Variants in MMS19 observed in about 807,000 individuals in gnomAD.
MMS19 encodes the protein MMS19 cytosolic iron-sulfur assembly component.
A neutral mutation model predicts 129.8 loss-of-function variants in MMS19; 77 were observed. The ratio of observed to expected loss-of-function variants is 0.59; its 90% confidence interval spans 0.49 to 0.72. MMS19 has a LOEUF of 0.72. Ranked by LOEUF, MMS19 falls within the 30% of genes least tolerant of loss-of-function variation. The pLI, the probability that MMS19 is intolerant of heterozygous loss-of-function variation, is 0.00. For synonymous variants in MMS19, 491 were observed against 502.8 expected, an observed-to-expected ratio of 0.98 and a Z score of 0.31; for missense variants, 1,168 against 1,266.3, an observed-to-expected ratio of 0.92 and a Z score of 1.18.
chr10:97,483,379 G>A (rs1301704749), intron 2 of MMS19, among the ~76,000 whole-genome samples: 1 of 151,952 alleles, frequency 6.6e-6, no homozygotes, highest in Non-Finnish European at 1.5e-5. Context: ...TTTTTTAATG[G>A]ACCAAGGCCA....
intron 8 of MMS19, 134 bp from the exon 9 acceptor site, chr10:97,470,995 C>CA (rs1317314739): frequency 1.1e-5 from 6 of 537,868 alleles, no homozygotes; most frequent in Non-Finnish European, 1.9e-5. Flanking sequence ...AATGAGGCCC[C>CA]AGCAAGAAGA....
At chr10:97,486,656 A>C (rs2037897198) in intron 1 of MMS19, among the ~76,000 whole-genome samples, 1 of 152,040 alleles carries the variant, frequency 6.6e-6, no homozygotes, top group African/African-American at 2.4e-5. Context: ...TACAGAAGAA[A>C]ATGGGGAGAA....
intron 13 of MMS19, among the ~76,000 whole-genome samples, chr10:97,468,027 G>A (rs1213745115): frequency 2.0e-5 from 3 of 151,746 alleles, no homozygotes; most frequent in African/African-American, 7.3e-5. Flanking sequence ...TGTTGCCCAG[G>A]CTGATCTTGA....
In MMS19 at chr10:97,461,486, A is replaced by G. The variant is rs1171694623; in HGVS notation, c.2311+10T>C. 1.2e-6 allele frequency: 2 copies of G among 1,606,868 alleles called. No homozygotes were observed. Among genetic ancestry groups the G allele is most frequent in the African/African-American group, 2.7e-5 (2 of 74,816 alleles). ...TCTGGGAGGCTCCTTACATAGTCTG[A>G]TCTCAGTACCTGCAGGGTGCTTGTT... is the stretch of plus-strand genomic sequence containing the variant. On this transcript the variant is annotated intron_variant, in intron 23 of 30. Transcript: ENST00000438925.
chr10:97,476,856 T>G lies in MMS19; in HGVS notation c.601A>C (p.Ile201Leu). 2.5e-6 allele frequency: 4 copies of G among 1,613,984 alleles called. No homozygotes were observed. The highest frequency in any genetic ancestry group is 3.3e-4 in the Middle Eastern group (2 of 6,062). ...ATACCCAGGCTATAGTCCCTGGAGA[T>G]GAGGTCATGGACGATGCGGAAGGCC... ...LVAFRIVHDL[I>L]SRDYSLGPFV... is the part of the protein sequence containing the mutation. The change falls in exon 7 of 31, where the codon ATC becomes CTC. Residue 201 changes from isoleucine to leucine, a missense_variant. Around this residue, in one of 3 missense-constraint regions of MMS19, gnomAD observed 329 missense variants for 328.6 expected, o/e 1.00. Coordinates refer to ENST00000438925, the MANE Select transcript of MMS19 (RefSeq NM_022362.5).
chr10:97,459,811 C>T, intron 26 of MMS19, 70 bp from the exon 27 acceptor site: 1 of 1,285,210 alleles, frequency 7.8e-7, no homozygotes. Context: ...CAATTCCAAT[C>T]TGTGGTGAGG....
Position 97,478,360 on chromosome 10 carries a change from G to A in MMS19, c.292C>T (p.Arg98Trp), listed in dbSNP as rs29001280. The A allele has an allele frequency of 5.6e-4, 895 of 1,605,774 alleles. 1 individual carries two copies. Among genetic ancestry groups the A allele is most frequent in the African/African-American group, 5.2e-3 (388 of 74,878 alleles). The change falls in exon 4 of 31, where the codon CGG becomes TGG. Residue 98 changes from arginine (R) to tryptophan (W), a missense_variant. By Grantham distance (101) the Arg-to-Trp change is moderately radical. Coordinates refer to ENST00000438925, the MANE Select transcript of MMS19 (RefSeq NM_022362.5). Reference sequence around the variant, plus strand: ...ATCACAAGATGATGGTCCTTCAGCCGGTTCTCATAGAACAGTATCAGGTGT... The same window carrying A: ...ATCACAAGATGATGGTCCTTCAGCCAGTTCTCATAGAACAGTATCAGGTGT... ...VVHLILFYEN[R>W]LKDHHLVIPS...
intron 23 of MMS19, 129 bp from the exon 24 acceptor site, chr10:97,461,136 G>A: frequency 1.3e-6 from 1 of 779,516 alleles, no homozygotes; most frequent in Non-Finnish European, 2.0e-6. Context: ...TTTTGCCTGT[G>A]GACAAAATGA....
intron 6 of MMS19, 163 bp from the exon 7 acceptor site, chr10:97,477,126 T>C (rs1260785085): frequency 1.3e-6 from 2 of 1,494,722 alleles, no homozygotes; most frequent in Admixed American, 2.5e-5. Context: ...TGTGCAACAA[T>C]ATACACATTG....
intron 29 of MMS19, 90 bp downstream of exon 29, chr10:97,459,133 G>T: frequency 7.8e-7 from 1 of 1,283,116 alleles, no homozygotes. Flanking sequence ...TACACACCAG[G>T]GTGGCCAAGC....
chr10:97,486,891 A>ATATATATATATATATATATG (rs1554852518), intron 1 of MMS19, among the ~76,000 whole-genome samples: 9 of 132,336 alleles, frequency 6.8e-5, no homozygotes, highest in Admixed American at 3.2e-4. Flanking sequence ...ATATATATAT[A>ATATATATATATATATATATG]TATAAAATTA....
At chr10:97,459,874 C>T in intron 26 of MMS19, 133 bp from the exon 27 acceptor site, 1 of 973,276 alleles carries the variant, frequency 1.0e-6, no homozygotes, top group Non-Finnish European at 1.5e-6. Context: ...TCAGAATAAG[C>T]AAGATACGCC....
chr10:97,459,661 T>C lies in MMS19; in HGVS notation c.2737A>G (p.Thr913Ala), dbSNP rs768830912. The C allele has an allele frequency of 6.2e-7, 1 of 1,611,546 alleles. No individual in the cohort carries two copies. The highest frequency in any genetic ancestry group is 2.2e-5 in the East Asian group (1 of 44,844). ...PKPVLLPELPTLLSLLLEALS... is the reference protein window; with the variant it reads ...PKPVLLPELPALLSLLLEALS... The stretch of plus-strand genomic sequence containing the variant: ...GAAGCTCTGCCTGTGGGACTTACCG[T>C]GGGCAGCTCTGGCAAGAGTACAGGC... The change falls in exon 27 of 31, where the codon ACG becomes GCG. Residue 913 changes from threonine (T) to alanine (A), a missense_variant and splice_region_variant. Transcript: ENST00000438925.
At chr10:97,471,683 A>G (rs564776892) in intron 8 of MMS19, among the ~76,000 whole-genome samples, 47 of 151,984 alleles carry the variant, frequency 3.1e-4, no homozygotes, top group African/African-American at 1.1e-3. Context: ...TAATTTTTAT[A>G]TATTTTTTGT....
At chr10:97,495,422 T>A (rs1233212289) in intron 1 of MMS19, among the ~76,000 whole-genome samples, 2 of 152,246 alleles carry the variant, frequency 1.3e-5, no homozygotes, top group African/African-American at 4.8e-5. Context: ...CTTCTGCATT[T>A]AAATTTGCAG....
chr10:97,494,928 T>C (rs1475454279), intron 1 of MMS19, among the ~76,000 whole-genome samples: 2 of 152,250 alleles, frequency 1.3e-5, no homozygotes, highest in East Asian at 3.8e-4. Flanking sequence ...CAGGAGATTC[T>C]GGTGGTACAA....
chr10:97,477,980 T>A, intron 4 of MMS19, 51 bp from the exon 5 acceptor site: 1 of 1,259,524 alleles, frequency 7.9e-7, no homozygotes, highest in Non-Finnish European at 1.1e-6. Flanking sequence ...CAGCATGGCC[T>A]CCAAGACACA....
intron 14 of MMS19, 147 bp from the exon 15 acceptor site, chr10:97,467,048 G>A (rs1257278704): frequency 2.0e-5 from 17 of 830,392 alleles, no homozygotes; most frequent in South Asian, 1.2e-4. Context: ...GCGTAATCTC[G>A]GATCACTGCA....
At chr10:97,496,959 T>C (rs138287171) in intron 1 of MMS19, among the ~76,000 whole-genome samples, 1 of 152,356 alleles carries the variant, frequency 6.6e-6, no homozygotes, top group East Asian at 1.9e-4. Flanking sequence ...TATAAAATTC[T>C]TTATACTTGG....
Sources: allele counts gnomAD v4.1 joint callset (sites outside exome capture counted in the v4.1 genomes callset), GRCh38; gene constraint gnomAD v4.1.1; regional missense constraint gnomAD v4.1.1; transcripts MANE v1.5; gene names NCBI Gene and HGNC (gene_info 2026-07-23, HGNC 2026-07-21).